The following KANK1 variants were observed in gnomAD, a reference collection of about 807,000 sequenced individuals.
KANK1 encodes the protein KN motif and ankyrin repeat domains 1.
In KANK1, 109 loss-of-function variants were observed where a neutral mutation model predicts 106.2. That is an observed-to-expected ratio of 1.03 (90% CI 0.88 to 1.20). The LOEUF is 1.20. KANK1 is among the 50% of genes most tolerant of loss of function. The pLI, the probability that KANK1 is intolerant of heterozygous loss-of-function variation, is 0.00. For missense variants in KANK1, 2,399 were observed against 1,710.7 expected (o/e 1.40, Z -7.10); for synonymous variants, 873 against 652.2 (o/e 1.34, Z -5.16).
intron 1 of KANK1, among the ~76,000 whole-genome samples, chr9:630,380 C>G (rs553477725): frequency 6.6e-6 from 1 of 151,366 alleles, no homozygotes; most frequent in Admixed American, 6.6e-5. Flanking sequence ...GAAACCCCAT[C>G]TCTACTAAAA....
chr9:666,963 G>A (rs1276945279), intron 1 of KANK1, among the ~76,000 whole-genome samples: 6 of 117,066 alleles, frequency 5.1e-5, no homozygotes, highest in Non-Finnish European at 8.2e-5. Flanking sequence ...GGTAATGCCC[G>A]CCTTGCCGGA....
At chr9:657,742 A>G (rs1842460768) in intron 1 of KANK1, among the ~76,000 whole-genome samples, 1 of 152,180 alleles carries the variant, frequency 6.6e-6, no homozygotes, top group African/African-American at 2.4e-5. Flanking sequence ...GAGAGCTTTT[A>G]TCAGGCAGCA....
At chr9:570,142 G>T (rs1374417501) in intron 1 of KANK1, among the ~76,000 whole-genome samples, 1 of 152,156 alleles carries the variant, frequency 6.6e-6, no homozygotes, top group African/African-American at 2.4e-5. Context: ...CTTGGAGAGT[G>T]CTCTCTCATT....
At chr9:562,022 A>C (rs911998182) in intron 1 of KANK1, among the ~76,000 whole-genome samples, 5 of 151,390 alleles carry the variant, frequency 3.3e-5, no homozygotes, top group African/African-American at 1.2e-4. Flanking sequence ...GGGGTTTTCC[A>C]AGTAAGTAAA....
chr9:714,829 G>T (rs1827250757), intron 3 of KANK1, among the ~76,000 whole-genome samples: 1 of 152,152 alleles, frequency 6.6e-6, no homozygotes, highest in African/African-American at 2.4e-5. Flanking sequence ...TTGTGACCAT[G>T]TGCACTGCCT....
At chr9:599,960 C>T (rs1184221846) in intron 1 of KANK1, among the ~76,000 whole-genome samples, 6 of 151,692 alleles carry the variant, frequency 4.0e-5, no homozygotes, top group African/African-American at 1.5e-4. Context: ...ATTTTATACC[C>T]ACATCAACGT....
chr9:483,814 G>C (rs983111146), intron 3 of KANK1, among the ~76,000 whole-genome samples: 1 of 152,158 alleles, frequency 6.6e-6, no homozygotes, highest in African/African-American at 2.4e-5. Context: ...CTCTTTCAGA[G>C]ATGTAAATGC....
At chr9:727,008 C>G (rs193268723) in intron 3 of KANK1, among the ~76,000 whole-genome samples, 1 of 152,130 alleles carries the variant, frequency 6.6e-6, no homozygotes, top group Admixed American at 6.6e-5. Flanking sequence ...TTATTTTCTC[C>G]GTATTATTGT....
chr9:523,387 A>C (rs895965515), intron 1 of KANK1, among the ~76,000 whole-genome samples: 1 of 151,450 alleles, frequency 6.6e-6, no homozygotes, highest in Non-Finnish European at 1.5e-5. Flanking sequence ...CCCTCTTTCC[A>C]CTGCCACCAT....
chr9:577,908 C>G (rs940055780), intron 1 of KANK1, among the ~76,000 whole-genome samples: 2 of 152,158 alleles, frequency 1.3e-5, no homozygotes, highest in Non-Finnish European at 2.9e-5. Context: ...TAGGAGCACC[C>G]TGAAGCTCAC....
intron 3 of KANK1, among the ~76,000 whole-genome samples, chr9:714,890 C>T (rs1827269231): frequency 6.6e-6 from 1 of 152,214 alleles, no homozygotes; most frequent in African/African-American, 2.4e-5. Context: ...GCCTGGCTTC[C>T]GTTTCTGGCT....
At chr9:589,900 C>T (rs959268237) in intron 1 of KANK1, among the ~76,000 whole-genome samples, 13 of 152,162 alleles carry the variant, frequency 8.5e-5, no homozygotes, top group Non-Finnish European at 1.5e-4. Flanking sequence ...CAGATAAAAA[C>T]GTCTGGGCTC....
intron 1 of KANK1, among the ~76,000 whole-genome samples, chr9:578,647 T>C (rs980045594): frequency 8.5e-5 from 13 of 152,132 alleles, no homozygotes; most frequent in African/African-American, 2.9e-4. Flanking sequence ...AAAGCATCAG[T>C]GCAAGTTTTA....
chr9:710,378 GAGGCC>G, intron 2 of KANK1, among the ~76,000 whole-genome samples: 1 of 152,050 alleles, frequency 6.6e-6, no homozygotes, highest in Admixed American at 6.5e-5. Context: ...AGCACTTTGG[GAGGCC>G]AGGTTGGGTG....
intron 1 of KANK1, among the ~76,000 whole-genome samples, chr9:557,188 GAAAAAAAAAAA>G (rs35320012): frequency 8.8e-6 from 1 of 113,488 alleles, no homozygotes; most frequent in African/African-American, 3.4e-5. Flanking sequence ...GTCTCAAAAG[GAAAAAAAAAAA>G]AAAAAAAAAT....
chr9:559,232 G>A (rs1815723805), intron 1 of KANK1, among the ~76,000 whole-genome samples: 2 of 152,098 alleles, frequency 1.3e-5, no homozygotes, highest in Non-Finnish European at 2.9e-5. Flanking sequence ...AAAGTTAATG[G>A]TAGTTGCCAT....
In KANK1 at chr9:566,731, C is replaced by T. The variant is rs545713786; in HGVS notation, c.-84+61977C>T. On this transcript the variant is annotated intron_variant, in intron 1 of 11. Transcript: ENST00000382297. ...GTTTTTTTCTTATAAATTTAAGTTC[C>T]GTGTAGGTGCTGGATATTAGACTTT... Among the ~76,000 whole-genome samples the T allele has an allele frequency of 1.0e-3, 156 of 152,020 alleles. 2 individuals carry two copies. The highest frequency in any genetic ancestry group is 5.2e-3 in the Admixed American group (80 of 15,282).
At chr9:552,709 C>G (rs1158727598) in intron 1 of KANK1, among the ~76,000 whole-genome samples, 1 of 152,130 alleles carries the variant, frequency 6.6e-6, no homozygotes, top group Non-Finnish European at 1.5e-5. Context: ...TGGCCTTTTT[C>G]CCTGTGACAA....
chr9:724,089 A>C (rs548507854), intron 3 of KANK1, among the ~76,000 whole-genome samples: 1 of 152,136 alleles, frequency 6.6e-6, no homozygotes, highest in Non-Finnish European at 1.5e-5. Context: ...TGACAGAGTG[A>C]GATGCCATAT....
Sources: allele counts gnomAD v4.1 joint callset (sites outside exome capture counted in the v4.1 genomes callset), GRCh38; gene constraint gnomAD v4.1.1; transcripts MANE v1.5; gene names NCBI Gene and HGNC (gene_info 2026-07-23, HGNC 2026-07-21).